The following TCF4 variants were observed in gnomAD, a reference collection of about 807,000 sequenced individuals.
The protein encoded by TCF4 is transcription factor 4, also known as SL3-3 enhancer factor 2.
A neutral mutation model predicts 82.1 loss-of-function variants in TCF4; 3 were observed. The ratio of observed to expected loss-of-function variants is 0.04; its 90% CI spans 0.02 to 0.09. The LOEUF (loss-of-function observed/expected upper bound fraction) is 0.09, where lower values mean the gene tolerates loss of function less well. Among genes scored for constraint, TCF4 ranks in the 10% least tolerant of loss-of-function variants. The pLI is 1.00. For missense variants in TCF4, 518 were observed against 852.7 expected (o/e 0.61, Z 4.89); for synonymous variants, 276 against 309.6 (o/e 0.89, Z 1.14).
intron 2 of TCF4, among the ~76,000 whole-genome samples, chr18:55,593,731 T>C (rs2097688074): frequency 6.6e-6 from 1 of 152,150 alleles, no homozygotes; most frequent in African/African-American, 2.4e-5. Flanking sequence ...AAATTTCCTC[T>C]CTGATGCTCT....
chr18:55,352,726 A>G (rs979954338), intron 6 of TCF4, among the ~76,000 whole-genome samples: 2 of 152,188 alleles, frequency 1.3e-5, no homozygotes, highest in East Asian at 1.9e-4. Context: ...AAAGTTTTGC[A>G]TAAATCAGAA....
rs149503707 is a variant in TCF4 at position 55,420,737 on chromosome 18, C to G, written c.305-17219G>C. Among the ~76,000 whole-genome samples, 316 of 152,138 alleles carry G rather than the reference C, an allele frequency of 2.1e-3. 2 individuals are homozygous for G. Among genetic ancestry groups the G allele is most frequent in the African/African-American group, 7.3e-3 (301 of 41,502 alleles). ...CGACTAACCTGCTTTTTCACTTCTGCCATCACTTCCTCATTTACACATATT... is the reference window on the plus strand; with the variant it reads ...CGACTAACCTGCTTTTTCACTTCTGGCATCACTTCCTCATTTACACATATT... On this transcript the variant is annotated intron_variant, in intron 5 of 19. Coordinates refer to ENST00000354452, the MANE Select transcript of TCF4 (RefSeq NM_001083962.2).
intron 8 of TCF4, among the ~76,000 whole-genome samples, chr18:55,301,279 T>C (rs138203547): frequency 4.9e-4 from 74 of 152,246 alleles, no homozygotes; most frequent in Middle Eastern, 6.8e-3. Flanking sequence ...TGTAATACAG[T>C]AGGTAAAATC....
intron 8 of TCF4, among the ~76,000 whole-genome samples, chr18:55,334,761 A>C (rs536400285): frequency 6.6e-6 from 1 of 152,310 alleles, no homozygotes; most frequent in South Asian, 2.1e-4. Flanking sequence ...AAACATCTTA[A>C]TCCTAGCTTA....
chr18:55,521,486 C>CT (rs969555577), intron 3 of TCF4, among the ~76,000 whole-genome samples: 10 of 152,164 alleles, frequency 6.6e-5, no homozygotes, highest in Admixed American at 2.0e-4. Context: ...GCAAAACCTT[C>CT]TTTCTCCCAT....
At chr18:55,231,798 G>A (rs1162653703) in intron 17 of TCF4, 2 of 152,224 alleles carry the variant, frequency 1.3e-5, no homozygotes, top group Non-Finnish European at 2.9e-5. Context: ...GAGAACCACA[G>A]CCTTTAGAAG....
At chr18:55,317,684 G>C (rs2074486495) in intron 8 of TCF4, among the ~76,000 whole-genome samples, 1 of 151,982 alleles carries the variant, frequency 6.6e-6, no homozygotes, top group Non-Finnish European at 1.5e-5. Flanking sequence ...AAAAATTTAG[G>C]TTGCTGACTG....
At chr18:55,467,607 G>A (rs2096060063) in intron 3 of TCF4, among the ~76,000 whole-genome samples, 2 of 152,238 alleles carry the variant, frequency 1.3e-5, no homozygotes, top group African/African-American at 2.4e-5. Flanking sequence ...TGCTGTCTGG[G>A]TTGCTGGTTT....
chr18:55,586,970 G>A, intron 2 of TCF4, 75 bp downstream of exon 2: 1 of 1,306,250 alleles, frequency 7.7e-7, no homozygotes, highest in Non-Finnish European at 1.1e-6. Flanking sequence ...ATTCCTACTG[G>A]TTTCTAGCTG....
At chr18:55,247,117 AT>A (rs2053518218) in intron 15 of TCF4, among the ~76,000 whole-genome samples, 1 of 152,198 alleles carries the variant, frequency 6.6e-6, no homozygotes, top group African/African-American at 2.4e-5. Context: ...CATACGGTGT[AT>A]AAGGAGGGAG....
chr18:55,489,791 G>A (rs1293326135), intron 3 of TCF4, among the ~76,000 whole-genome samples: 1 of 152,086 alleles, frequency 6.6e-6, no homozygotes, highest in Non-Finnish European at 1.5e-5. Flanking sequence ...CACTCAATGA[G>A]AGTCTGTTCT....
intron 8 of TCF4, among the ~76,000 whole-genome samples, chr18:55,340,083 C>A (rs2079529802): frequency 6.6e-6 from 1 of 152,122 alleles, no homozygotes; most frequent in Non-Finnish European, 1.5e-5. Flanking sequence ...TATAGCCAGC[C>A]CCACCAAGGG....
chr18:55,618,082 C>T (rs969729198), intron 2 of TCF4, among the ~76,000 whole-genome samples: 2 of 152,012 alleles, frequency 1.3e-5, no homozygotes, highest in African/African-American at 4.8e-5. Context: ...TAGCTATGGG[C>T]TTGTCATATG....
intron 3 of TCF4, chr18:55,553,273 G>T (rs2097275806): frequency 6.6e-6 from 1 of 152,130 alleles, no homozygotes; most frequent in African/African-American, 2.4e-5. Flanking sequence ...AGGTAACAAC[G>T]TTTGCTTCCA....
intron 8 of TCF4, among the ~76,000 whole-genome samples, chr18:55,290,921 C>G (rs1183392068): frequency 6.6e-6 from 1 of 152,170 alleles, no homozygotes; most frequent in Admixed American, 6.5e-5. Flanking sequence ...ATTCTTTGAT[C>G]TTGAACTTAA....
chr18:55,501,172 C>T (rs1401865418), intron 3 of TCF4, among the ~76,000 whole-genome samples: 2 of 152,060 alleles, frequency 1.3e-5, no homozygotes, highest in Non-Finnish European at 2.9e-5. Context: ...AAGCAATAAA[C>T]ATCAGTGCAA....
In TCF4 at chr18:55,224,883, A is replaced by T. The variant is rs1480001863; in HGVS notation, c.*3152T>A. On this transcript the variant is annotated 3_prime_UTR_variant, in exon 20 of 20. Coordinates refer to ENST00000354452, the MANE Select transcript of TCF4 (RefSeq NM_001083962.2). ...TGCTTTTAAAGTCCGAGTTTCTGAA[A>T]GAGATCCCCAGCCTAAGTGTCGTCA... The T allele has an allele frequency of 6.6e-6, 1 of 152,554 alleles. No homozygotes were observed. Among genetic ancestry groups the T allele is most frequent in the East Asian group, 1.9e-4 (1 of 5,200 alleles). The allele number at this position is 152,554 out of a possible 1,614,324, so 9.5% of individuals were successfully genotyped here.
At chr18:55,277,487 T>A (rs1601166009) in intron 9 of TCF4, among the ~76,000 whole-genome samples, 1 of 152,222 alleles carries the variant, frequency 6.6e-6, no homozygotes, top group African/African-American at 2.4e-5. Flanking sequence ...AATTATGCTT[T>A]TCACAGTAAA....
intron 8 of TCF4, chr18:55,321,609 T>C (rs2075510287): frequency 5.2e-6 from 8 of 1,535,770 alleles, no homozygotes; most frequent in Non-Finnish European, 7.0e-6. Flanking sequence ...CCACCTAGGA[T>C]GCTCATCCCT....
Sources: gnomAD v4.1 joint callset for allele counts (sites outside exome capture counted in the v4.1 genomes callset) on GRCh38, gnomAD v4.1.1 for gene constraint, MANE v1.5 for transcripts, NCBI Gene and HGNC (gene_info 2026-07-23, HGNC 2026-07-21) for gene names.